The following UPRT variants were observed in gnomAD, a reference collection of about 807,000 sequenced individuals.
The protein encoded by UPRT is RP11-311P8.3.
A neutral mutation model predicts 22.6 loss-of-function variants in UPRT; 5 were observed. The ratio of observed to expected loss-of-function variants is 0.22; its 90% CI spans 0.12 to 0.47. The LOEUF (loss-of-function observed/expected upper bound fraction) is 0.47. Among genes scored for constraint, UPRT ranks in the 20% least tolerant of loss-of-function variants. UPRT has a pLI of 0.99. For synonymous variants in UPRT, 77 were observed against 87.7 expected (o/e 0.88, Z 0.68); for missense variants, 181 against 239.9 (o/e 0.75, Z 1.62).
At chrX:75,187,209 G>A (rs2082296042) in intron 4 of UPRT, among the ~76,000 whole-genome samples, 2 of 111,241 alleles carry the variant, frequency 1.8e-5, no homozygotes, top group African/African-American at 6.6e-5. Flanking sequence ...CTCTTTTAGG[G>A]CAGGCCTGGT....
chrX:75,258,743 C>T (rs925089299), intron 4 of UPRT, among the ~76,000 whole-genome samples: 4 of 111,815 alleles, frequency 3.6e-5, no homozygotes, highest in Non-Finnish European at 7.5e-5. Flanking sequence ...AAGAGAGCAG[C>T]GGATCTCACA....
intron 4 of UPRT, among the ~76,000 whole-genome samples, chrX:75,267,515 T>C (rs1303528573): frequency 8.9e-6 from 1 of 111,918 alleles, no homozygotes; most frequent in East Asian, 2.8e-4. Context: ...ATATGGTACA[T>C]GTATACATAC....
chrX:75,249,083 C>T (rs1483785349), intron 4 of UPRT, among the ~76,000 whole-genome samples: 1 of 111,483 alleles, frequency 9.0e-6, no homozygotes, highest in African/African-American at 3.3e-5. Flanking sequence ...GAGGAACAAC[C>T]AGTACCAGCC....
chrX:75,257,726 A>G (rs2082553710), intron 4 of UPRT, among the ~76,000 whole-genome samples: 1 of 111,709 alleles, frequency 9.0e-6, no homozygotes, highest in South Asian at 3.8e-4. Flanking sequence ...AACAGCAACT[A>G]AGCTGAGAAT....
At chrX:75,184,366 C>T (rs1390234766) in intron 4 of UPRT, among the ~76,000 whole-genome samples, 2 of 108,942 alleles carry the variant, frequency 1.8e-5, no homozygotes, top group East Asian at 5.7e-4. Context: ...GGGCTCTGTT[C>T]TGTTCCATTG....
At chrX:75,285,229 A>G (rs768527123) in intron 1 of UPRT, among the ~76,000 whole-genome samples, 3 of 111,462 alleles carry the variant, frequency 2.7e-5, no homozygotes, top group Non-Finnish European at 5.7e-5. Flanking sequence ...CCTGCCTCCA[A>G]GTTGAGAAAG....
chrX:75,249,672 G>T (rs773744445), intron 4 of UPRT, among the ~76,000 whole-genome samples: 2 of 110,670 alleles, frequency 1.8e-5, no homozygotes, highest in Non-Finnish European at 3.8e-5. Flanking sequence ...GTTAACAAGG[G>T]TCTCCAGGAA....
intron 4 of UPRT, among the ~76,000 whole-genome samples, chrX:75,212,330 C>T (rs1213836417): frequency 1.8e-5 from 2 of 111,582 alleles, no homozygotes; most frequent in Non-Finnish European, 3.8e-5. Flanking sequence ...TAATAATAAA[C>T]AGTCTCTCAG....
intron 4 of UPRT, among the ~76,000 whole-genome samples, chrX:75,258,977 CAG>C (rs1017046385): frequency 1.8e-5 from 2 of 111,805 alleles, no homozygotes; most frequent in Non-Finnish European, 3.8e-5. Flanking sequence ...CCCAGGCAAA[CAG>C]GGTCTGGAGT....
rs751856868 is a variant in UPRT at position 75,160,288 on chromosome X, T to TA, written c.-736-257dup. On this transcript the variant is annotated intron_variant, in intron 1 of 13. Coordinates refer to the UPRT transcript ENST00000652605. ...CTTTCAAGCTCAACTATGCATTTTT[T>TA]AAAAACTTTGGGGCTTTTTGTTGCT... Among the ~76,000 whole-genome samples the TA allele has an allele frequency of 1.4e-4, 16 of 111,873 alleles. 1 individual carries two copies. The South Asian group carries it at 6.0e-3, about 42-fold the overall frequency.
intron 3 of UPRT, 74 bp downstream of exon 3, chrX:75,296,485 C>A: frequency 1.1e-6 from 1 of 910,799 alleles, no homozygotes; most frequent in Non-Finnish European, 1.6e-6. Context: ...GTAAGTAAAG[C>A]AGTCTAAGTA....
intron 1 of UPRT, among the ~76,000 whole-genome samples, chrX:75,159,669 A>G (rs1456133851): frequency 1.8e-5 from 2 of 111,643 alleles, no homozygotes; most frequent in African/African-American, 6.5e-5. Context: ...TAACATTTGG[A>G]AATATTGAAT....
chrX:75,214,859 G>C lies in UPRT; in HGVS notation c.-447+46980G>C, dbSNP rs977811489. Among the ~76,000 whole-genome samples the C allele has an allele frequency of 2.4e-4, 27 of 111,201 alleles. 1 individual carries two copies. The highest frequency in any genetic ancestry group is 8.9e-4 in the African/African-American group (27 of 30,492). On this transcript the variant is annotated intron_variant, in intron 4 of 13. Transcript: ENST00000652605. ...ACCCAGGAGTTCAAGGCTGCAGTGAGCCATGATTGTGCCACTGCCCTCAAG... is the reference window on the plus strand; with the variant it reads ...ACCCAGGAGTTCAAGGCTGCAGTGACCCATGATTGTGCCACTGCCCTCAAG...
intron 4 of UPRT, among the ~76,000 whole-genome samples, chrX:75,256,075 G>A (rs1158234116): frequency 9.0e-6 from 1 of 111,469 alleles, no homozygotes; most frequent in Non-Finnish European, 1.9e-5. Context: ...ATATTCAACA[G>A]TGCGTGGAAC....
At chrX:75,253,781 A>G (rs999804196) in intron 4 of UPRT, among the ~76,000 whole-genome samples, 1 of 112,086 alleles carries the variant, frequency 8.9e-6, no homozygotes, top group Non-Finnish European at 1.9e-5. Flanking sequence ...GAGATTATTC[A>G]TCCCCAAACA....
At chrX:75,220,233 T>C (rs2082405624) in intron 4 of UPRT, among the ~76,000 whole-genome samples, 1 of 111,398 alleles carries the variant, frequency 9.0e-6, no homozygotes, top group African/African-American at 3.3e-5. Context: ...ACTTGTTCTT[T>C]TTTGGTTTCT....
intron 4 of UPRT, among the ~76,000 whole-genome samples, chrX:75,220,103 A>C (rs750758552): frequency 1.2e-4 from 13 of 111,183 alleles, no homozygotes; most frequent in African/African-American, 4.2e-4. Flanking sequence ...TATTGAGTGC[A>C]TATATATTTA....
At chrX:75,247,599 C>A (rs1226853763) in intron 4 of UPRT, among the ~76,000 whole-genome samples, 1 of 112,545 alleles carries the variant, frequency 8.9e-6, no homozygotes, top group Non-Finnish European at 1.9e-5. Flanking sequence ...CTGGGTGGAG[C>A]CCACCATAGC....
At chrX:75,158,387 C>A (rs1052886084) in intron 1 of UPRT, among the ~76,000 whole-genome samples, 5 of 112,214 alleles carry the variant, frequency 4.5e-5, no homozygotes, top group African/African-American at 1.6e-4. Flanking sequence ...TTTATGTATG[C>A]AATAATTAAA....
Sources: allele counts gnomAD v4.1 joint callset (sites outside exome capture counted in the v4.1 genomes callset), GRCh38; gene constraint gnomAD v4.1.1; transcripts MANE v1.5; gene names NCBI Gene and HGNC (gene_info 2026-07-23, HGNC 2026-07-21).